The following FGF7 variants were observed in gnomAD, a reference collection of about 807,000 sequenced individuals.
The protein encoded by FGF7 is fibroblast growth factor 7.
Under a neutral mutation model 20.5 loss-of-function variants are expected in FGF7, and 6 were observed. The observed-to-expected ratio is 0.29, with a 90% confidence interval of 0.16 to 0.58. The LOEUF is 0.58. Ranked by LOEUF, FGF7 falls within the 20% of genes least tolerant of loss-of-function variation. FGF7 has a pLI of 0.90. For missense variants in FGF7, 144 were observed against 228.8 expected (o/e 0.63, Z 2.39); for synonymous variants, 64 against 74.7 (o/e 0.86, Z 0.74).
At chr15:49,480,053 A>G (rs1431718815) in intron 2 of FGF7, among the ~76,000 whole-genome samples, 1 of 152,212 alleles carries the variant, frequency 6.6e-6, no homozygotes, top group Non-Finnish European at 1.5e-5. Context: ...AGGACATGGA[A>G]CAAAATAGAC....
intron 2 of FGF7, among the ~76,000 whole-genome samples, chr15:49,473,520 G>C (rs1289126447): frequency 1.3e-5 from 2 of 152,046 alleles, no homozygotes; most frequent in African/African-American, 4.8e-5. Context: ...TAAACACTCA[G>C]TAAATACTTG....
intron 2 of FGF7, among the ~76,000 whole-genome samples, chr15:49,474,807 C>A (rs1161687255): frequency 6.6e-6 from 1 of 152,080 alleles, no homozygotes; most frequent in Non-Finnish European, 1.5e-5. Context: ...TGCCAGGGAT[C>A]TAGGTTGCGT....
chr15:49,441,378 A>C (rs2051626621), intron 2 of FGF7, among the ~76,000 whole-genome samples: 1 of 151,798 alleles, frequency 6.6e-6, no homozygotes, highest in Non-Finnish European at 1.5e-5. Context: ...CTAAGAATCC[A>C]ATTTTAGAAA....
intron 2 of FGF7, among the ~76,000 whole-genome samples, chr15:49,470,526 C>T (rs938592139): frequency 2.6e-5 from 4 of 152,116 alleles, no homozygotes; most frequent in Non-Finnish European, 5.9e-5. Flanking sequence ...AACACATTAT[C>T]ACTCCCACCT....
chr15:49,428,730 A>T (rs1470233740), intron 2 of FGF7, among the ~76,000 whole-genome samples: 1 of 152,004 alleles, frequency 6.6e-6, no homozygotes, highest in African/African-American at 2.4e-5. Flanking sequence ...TCTTCCCAAT[A>T]ATAGTCAATA....
chr15:49,453,473 T>C (rs1409498480), intron 2 of FGF7, among the ~76,000 whole-genome samples: 3 of 152,154 alleles, frequency 2.0e-5, no homozygotes, highest in Non-Finnish European at 4.4e-5. Context: ...ATCCAATGCA[T>C]GTTTTTCCTT....
intron 2 of FGF7, among the ~76,000 whole-genome samples, chr15:49,481,270 A>T (rs1446664982): frequency 6.6e-6 from 1 of 152,102 alleles, no homozygotes; most frequent in African/African-American, 2.4e-5. Context: ...TTTTGCACCA[A>T]CCTAACTGAT....
intron 2 of FGF7, among the ~76,000 whole-genome samples, chr15:49,456,701 T>C (rs1316491162): frequency 6.6e-6 from 1 of 152,076 alleles, no homozygotes; most frequent in Admixed American, 6.6e-5. Flanking sequence ...ATTTTGTGAA[T>C]TTCTGAAAAG....
chr15:49,474,667 T>C (rs889919297), intron 2 of FGF7, among the ~76,000 whole-genome samples: 4 of 152,032 alleles, frequency 2.6e-5, no homozygotes, highest in South Asian at 2.1e-4. Flanking sequence ...CCGGTACTGG[T>C]CCATGGCCTG....
intron 2 of FGF7, among the ~76,000 whole-genome samples, chr15:49,437,549 A>C (rs1003781769): frequency 1.3e-5 from 2 of 151,668 alleles, no homozygotes; most frequent in Non-Finnish European, 3.0e-5. Flanking sequence ...TGGGTAAATC[A>C]TATCTCTGTT....
intron 2 of FGF7, among the ~76,000 whole-genome samples, chr15:49,451,360 AT>A (rs2052721027): frequency 2.0e-5 from 3 of 152,110 alleles, no homozygotes; most frequent in African/African-American, 7.2e-5. Flanking sequence ...ATGATAAAGT[AT>A]TTTTTCTTCT....
At chr15:49,472,671 A>T (rs2054884295) in intron 2 of FGF7, among the ~76,000 whole-genome samples, 1 of 152,222 alleles carries the variant, frequency 6.6e-6, no homozygotes, top group South Asian at 2.1e-4. Flanking sequence ...AATGAATGAC[A>T]TTATACTGTC....
chr15:49,446,804 A>G (rs2052261070), intron 2 of FGF7, among the ~76,000 whole-genome samples: 1 of 151,550 alleles, frequency 6.6e-6, no homozygotes, highest in Admixed American at 6.6e-5. Flanking sequence ...GATAAATGGG[A>G]GAGACAGAAT....
chr15:49,457,980 C>G (rs1313725880), intron 2 of FGF7, among the ~76,000 whole-genome samples: 1 of 151,854 alleles, frequency 6.6e-6, no homozygotes, highest in Non-Finnish European at 1.5e-5. Flanking sequence ...GCATCACTTT[C>G]TTGATTGATA....
intron 2 of FGF7, among the ~76,000 whole-genome samples, chr15:49,466,077 T>A (rs919275976): frequency 1.5e-4 from 23 of 152,298 alleles, no homozygotes; most frequent in African/African-American, 5.1e-4. Flanking sequence ...AGCAGTATGT[T>A]CTTAAAGTAA....
At chr15:49,479,235 T>C (rs1287736523) in intron 2 of FGF7, among the ~76,000 whole-genome samples, 3 of 142,440 alleles carry the variant, frequency 2.1e-5, no homozygotes, top group Non-Finnish European at 4.5e-5. Flanking sequence ...TTCTATTGCA[T>C]GAGCTGATTC....
intron 2 of FGF7, among the ~76,000 whole-genome samples, chr15:49,452,559 G>A (rs1343504641): frequency 1.9e-4 from 29 of 152,128 alleles, no homozygotes; most frequent in Admixed American, 1.9e-3. Context: ...GCAGTTACAA[G>A]TTATTATTGT....
intron 2 of FGF7, among the ~76,000 whole-genome samples, chr15:49,482,097 T>C (rs1238295312): frequency 6.6e-6 from 1 of 152,190 alleles, no homozygotes; most frequent in Non-Finnish European, 1.5e-5. Context: ...ATTGACACTT[T>C]GACTTTTCTT....
chr15:49,476,921 G>T (rs548633949), intron 2 of FGF7, among the ~76,000 whole-genome samples: 1 of 152,052 alleles, frequency 6.6e-6, no homozygotes, highest in Non-Finnish European at 1.5e-5. Context: ...TTAGCCGGGC[G>T]TGGTGGCGGG....
Sources: gnomAD v4.1 joint callset for allele counts (sites outside exome capture counted in the v4.1 genomes callset) on GRCh38, gnomAD v4.1.1 for gene constraint, MANE v1.5 for transcripts, NCBI Gene and HGNC (gene_info 2026-07-23, HGNC 2026-07-21) for gene names.